Variants in FRYL observed in about 807,000 individuals in gnomAD.
FRYL encodes protein furry homolog-like.
A neutral mutation model predicts 351.2 loss-of-function variants in FRYL; 150 were observed. The ratio of observed to expected loss-of-function variants is 0.43; its 90% confidence interval spans 0.37 to 0.49. FRYL has a LOEUF of 0.49. Ranked by LOEUF, FRYL falls within the 20% of genes least tolerant of loss-of-function variation. The pLI is 0.00. For missense variants in FRYL, 3,036 were observed against 3,619.3 expected, an observed-to-expected ratio of 0.84 and a Z score of 4.13; for synonymous variants, 1,153 against 1,257.1, an observed-to-expected ratio of 0.92 and a Z score of 1.75.
intron 4 of FRYL, among the ~76,000 whole-genome samples, chr4:48,631,297 C>G (rs1051183331): frequency 6.6e-6 from 1 of 152,100 alleles, no homozygotes; most frequent in African/African-American, 2.4e-5. Context: ...ATCCTTACCA[C>G]TATTAATCAT....
chr4:48,616,837 ATAT>A (rs770350259), intron 7 of FRYL, among the ~76,000 whole-genome samples: 34 of 152,338 alleles, frequency 2.2e-4, no homozygotes, highest in Non-Finnish European at 4.4e-4. Flanking sequence ...TAGGTGTATT[ATAT>A]GGGGCAAAAG....
chr4:48,505,577 T>C lies in FRYL; in HGVS notation c.8433A>G (p.Glu2811=). The change falls in exon 60 of 64, where the codon GAA becomes GAG. Residue 2811 remains glutamate, a synonymous_variant. Coordinates refer to ENST00000358350, the MANE Select transcript of FRYL (RefSeq NM_015030.2). The part of the protein sequence containing the change: ...DDCKRTFGAK[E]DMYRINTDAQ... ...CATCTGTGTTTATCCTATACATGTC[T>C]TCTTTGGCACCAAATGTCCTCTTAC... The C allele has an allele frequency of 3.1e-6, 5 of 1,609,974 alleles. No homozygotes were observed. Among genetic ancestry groups the C allele is most frequent in the Non-Finnish European group, 4.2e-6 (5 of 1,177,508 alleles).
chr4:48,623,857 C>T (rs541527581), intron 4 of FRYL, among the ~76,000 whole-genome samples: 2 of 149,406 alleles, frequency 1.3e-5, no homozygotes, highest in Middle Eastern at 6.8e-3. Flanking sequence ...TATACACATT[C>T]ACTTACATTG....
At chr4:48,513,766 C>T (rs1469097114) in intron 56 of FRYL, among the ~76,000 whole-genome samples, 2 of 152,186 alleles carry the variant, frequency 1.3e-5, no homozygotes, top group Non-Finnish European at 2.9e-5. Context: ...AAAACTGTCA[C>T]TGTGGTGATG....
intron 4 of FRYL, among the ~76,000 whole-genome samples, chr4:48,633,199 A>G (rs1753603233): frequency 6.6e-6 from 1 of 152,186 alleles, no homozygotes; most frequent in African/African-American, 2.4e-5. Flanking sequence ...TTAAGTTGGC[A>G]GAGAGTCAAA....
At chr4:48,609,874 G>T in intron 7 of FRYL, 51 bp from the exon 8 acceptor site, 1 of 929,084 alleles carries the variant, frequency 1.1e-6, no homozygotes, top group South Asian at 1.7e-5. Context: ...GGTTTTTTAT[G>T]AGTATTCTCA....
At chr4:48,612,090 A>C (rs989758382) in intron 7 of FRYL, among the ~76,000 whole-genome samples, 1 of 152,212 alleles carries the variant, frequency 6.6e-6, no homozygotes, top group African/African-American at 2.4e-5. Flanking sequence ...AATAACCATT[A>C]CATTCCATTA....
At chr4:48,595,815 A>G in intron 14 of FRYL, 82 bp downstream of exon 14, 1 of 1,125,014 alleles carries the variant, frequency 8.9e-7, no homozygotes, top group South Asian at 1.5e-5. Context: ...CACAAAGTAT[A>G]ATGTTTACTA....
rs532761015 is a variant in FRYL at position 48,510,196 on chromosome 4, G to A, written c.8296-39C>T. On this transcript the variant is annotated intron_variant, in intron 58 of 63. Transcript: ENST00000358350. The stretch of plus-strand genomic sequence containing the variant: ...AGTATTGATCCAGGTTACCATTTCT[G>A]ATTGAAATCATGAGACTCACAAAAT... 38 of 1,451,222 alleles carry A rather than the reference G, an allele frequency of 2.6e-5. No individual in the cohort carries two copies. The South Asian group carries it at 4.2e-4, about 16-fold the overall frequency. The allele number at this position is 1,451,222 out of a possible 1,614,324, so 89.9% of individuals were successfully genotyped here.
chr4:48,534,807 T>C, intron 48 of FRYL, 122 bp from the exon 49 acceptor site: 1 of 595,550 alleles, frequency 1.7e-6, no homozygotes, highest in Non-Finnish European at 2.8e-6. Flanking sequence ...GTTATGTGGA[T>C]TAGAAATCTA....
intron 4 of FRYL, among the ~76,000 whole-genome samples, chr4:48,624,191 A>G (rs935915454): frequency 2.0e-5 from 3 of 152,204 alleles, no homozygotes; most frequent in African/African-American, 7.2e-5. Flanking sequence ...ATTTAGTGGT[A>G]TATCTTGCTT....
At chr4:48,544,955 C>T (rs773661665) in intron 42 of FRYL, 51 bp from the exon 43 acceptor site, 5 of 1,551,060 alleles carry the variant, frequency 3.2e-6, no homozygotes, top group Non-Finnish European at 3.5e-6. Context: ...TTGTGATTAA[C>T]AGTTGTACTC....
rs565579931 is a variant in FRYL at position 48,723,922 on chromosome 4, CA to C, written c.-383-13225del. Among the ~76,000 whole-genome samples the C allele has an allele frequency of 4.3e-3, 515 of 119,508 alleles. 1 individual carries two copies. Among genetic ancestry groups the C allele is most frequent in the East Asian group, 0.018 (81 of 4,392 alleles). The allele number at this position is 119,508 out of a possible 152,430, so 78.4% of individuals were successfully genotyped here. A position where few individuals can be genotyped will look rare whatever the true frequency, so the allele number is the denominator to read the frequency against. Reference sequence around the variant, plus strand: ...GCAATATAGTAAGACCCCAACTCTACAAAAAAAAAAATAAATAAAATAATAA... The same window carrying C: ...GCAATATAGTAAGACCCCAACTCTACAAAAAAAAAATAAATAAAATAATAA... On this transcript the variant is annotated intron_variant, in intron 1 of 63. Coordinates refer to ENST00000358350, the MANE Select transcript of FRYL (RefSeq NM_015030.2).
rs746667764 is a variant in FRYL at position 48,512,689 on chromosome 4, C to T, written c.7938-1G>A. 2 of 1,604,436 alleles carry T rather than the reference C, an allele frequency of 1.2e-6. No homozygotes were observed. Among genetic ancestry groups the T allele is most frequent in the Non-Finnish European group, 8.5e-7 (1 of 1,171,328 alleles). ...ACCATCTTGCTCTTCTTCATCTTGACTATTAACACAGATATCATAAATATC... is the reference window on the plus strand; with the variant it reads ...ACCATCTTGCTCTTCTTCATCTTGATTATTAACACAGATATCATAAATATC... On this transcript the variant is annotated splice_acceptor_variant, in intron 56 of 63. Transcript: ENST00000358350. LOFTEE classifies it high-confidence loss of function.
chr4:48,744,528 T>C (rs1378378191), intron 1 of FRYL, among the ~76,000 whole-genome samples: 1 of 152,158 alleles, frequency 6.6e-6, no homozygotes. Flanking sequence ...AACCAACAAA[T>C]AGTTGCATAT....
intron 3 of FRYL, among the ~76,000 whole-genome samples, chr4:48,683,931 A>G (rs1226399454): frequency 6.6e-6 from 1 of 152,130 alleles, no homozygotes; most frequent in Non-Finnish European, 1.5e-5. Flanking sequence ...GGTTTTCCCC[A>G]GGTCCCTCTG....
At chr4:48,541,130 T>C (rs1177666728) in intron 45 of FRYL, among the ~76,000 whole-genome samples, 170 bp from the exon 46 acceptor site, 3 of 152,188 alleles carry the variant, frequency 2.0e-5, no homozygotes, top group Non-Finnish European at 4.4e-5. Context: ...TCAAAGAAAA[T>C]GTACAACAGT....
intron 2 of FRYL, among the ~76,000 whole-genome samples, chr4:48,707,986 A>G (rs1274261732): frequency 1.3e-5 from 2 of 151,356 alleles, no homozygotes; most frequent in South Asian, 2.1e-4. Context: ...ACACCCGGCT[A>G]ATTTTTTGCA....
chr4:48,613,572 A>G (rs1748686212), intron 7 of FRYL, among the ~76,000 whole-genome samples: 1 of 152,154 alleles, frequency 6.6e-6, no homozygotes, highest in Admixed American at 6.5e-5. Flanking sequence ...ACACAGGTAT[A>G]CCTCCTACTT....
Sources: gnomAD v4.1 joint callset for allele counts (sites outside exome capture counted in the v4.1 genomes callset) on GRCh38, gnomAD v4.1.1 for gene constraint, MANE v1.5 for transcripts, NCBI Gene and HGNC (gene_info 2026-07-23, HGNC 2026-07-21) for gene names.